The following WDTC1 variants were observed in gnomAD, a reference collection of about 807,000 sequenced individuals.
WDTC1 encodes WD and tetratricopeptide repeats protein 1.
A neutral mutation model predicts 76.0 loss-of-function variants in WDTC1; 12 were observed. The ratio of observed to expected loss-of-function variants is 0.16; its 90% CI spans 0.10 to 0.26. The LOEUF (loss-of-function observed/expected upper bound fraction) is 0.26, where lower values mean the gene tolerates loss of function less well. Ranked by LOEUF, WDTC1 falls within the 10% of genes least tolerant of loss-of-function variation. WDTC1 has a pLI of 1.00. For missense variants in WDTC1, 511 were observed against 908.8 expected (o/e 0.56, Z 5.63); for synonymous variants, 326 against 350.8 (o/e 0.93, Z 0.79).
intron 9 of WDTC1, among the ~76,000 whole-genome samples, chr1:27,295,132 T>G (rs1362570691): frequency 3.3e-5 from 5 of 152,236 alleles, no homozygotes; most frequent in Admixed American, 2.6e-4. Context: ...GGATATTTAG[T>G]AAGCCTTGCA....
At chr1:27,259,931 G>A (rs1412109879) in intron 1 of WDTC1, among the ~76,000 whole-genome samples, 1 of 151,910 alleles carries the variant, frequency 6.6e-6, no homozygotes, top group African/African-American at 2.4e-5. Flanking sequence ...CAGTTATTCA[G>A]GAGGCTGAGA....
chr1:27,297,490 A>G (rs190152814), intron 11 of WDTC1, among the ~76,000 whole-genome samples: 10 of 152,250 alleles, frequency 6.6e-5, no homozygotes, highest in Admixed American at 3.3e-4. Context: ...TCCCCATCCT[A>G]TAGCATATCC....
chr1:27,303,856 G>GT lies in WDTC1; in HGVS notation c.1643+63dup. 1.9e-6 allele frequency: 3 copies of GT among 1,593,170 alleles called. No individual in the cohort carries two copies. In the East Asian group the frequency reaches 6.8e-5, roughly 36 times the overall value. ...GGCAGCGGGAGGTTGAGTGGGGAGT[G>GT]TTGGGGCATAATGGTTTCAGAGAAG... On this transcript the variant is annotated intron_variant, in intron 14 of 15. Transcript: ENST00000319394. This position sits in a 1 kb window ranked among gnomAD's most constrained non-coding sequence, Gnocchi z 4.8.
intron 1 of WDTC1, chr1:27,255,542 G>A (rs564491024): frequency 6.6e-6 from 1 of 152,280 alleles, no homozygotes; most frequent in Non-Finnish European, 1.5e-5. Flanking sequence ...AATCAATTGA[G>A]ATAACTTGGT....
intron 11 of WDTC1, 117 bp from the exon 12 acceptor site, chr1:27,297,818 TAGC>T: frequency 9.6e-7 from 1 of 1,038,180 alleles, no homozygotes; most frequent in Non-Finnish European, 1.4e-6. Flanking sequence ...CTCTTCCAGA[TAGC>T]AGTCAGATCC....
intron 1 of WDTC1, among the ~76,000 whole-genome samples, chr1:27,259,290 G>A (rs1043816947): frequency 1.3e-5 from 2 of 150,548 alleles, no homozygotes; most frequent in Non-Finnish European, 3.0e-5. Flanking sequence ...CTCCTGAGTA[G>A]CTGGGACTAC....
intron 1 of WDTC1, among the ~76,000 whole-genome samples, chr1:27,237,861 C>CA (rs11427877): frequency 0.85 from 107,271 of 126,180 alleles, 46,027 homozygotes; most frequent in East Asian, 0.97. Context: ...AACTCCATCT[C>CA]AAAAAAAAAA....
At position 27,297,200 on chromosome 1, in the gene WDTC1, C is replaced by A. The variant is rs576381131; in HGVS notation, c.1058+44C>A. On this transcript the variant is annotated intron_variant, in intron 11 of 15. Coordinates refer to ENST00000319394, the MANE Select transcript of WDTC1 (RefSeq NM_001276252.2). ...TCCAGCCCTCCAAGCCCCAGTTACACTATATGGACTGGAGGGAGGGACATA... is the reference window on the plus strand; with the variant it reads ...TCCAGCCCTCCAAGCCCCAGTTACAATATATGGACTGGAGGGAGGGACATA... The A allele has an allele frequency of 2.3e-5, 35 of 1,497,018 alleles. No individual in the cohort carries two copies. The East Asian group carries it at 8.2e-4, about 35-fold the overall frequency. The allele number at this position is 1,497,018 out of a possible 1,614,324, so 92.7% of individuals were successfully genotyped here.
chr1:27,289,873 C>T (rs1356260892), intron 6 of WDTC1, among the ~76,000 whole-genome samples: 1 of 152,188 alleles, frequency 6.6e-6, no homozygotes, highest in Non-Finnish European at 1.5e-5. Flanking sequence ...CAATCGCAGG[C>T]ACTCGGCAGG....
intron 6 of WDTC1, among the ~76,000 whole-genome samples, chr1:27,288,163 C>T (rs1001907245): frequency 6.6e-6 from 1 of 152,100 alleles, no homozygotes; most frequent in Non-Finnish European, 1.5e-5. Flanking sequence ...TTGAGATTCT[C>T]TGTCCCCAGC....
At chr1:27,247,158 G>C (rs886826113) in intron 1 of WDTC1, among the ~76,000 whole-genome samples, 1 of 151,806 alleles carries the variant, frequency 6.6e-6, no homozygotes, top group African/African-American at 2.4e-5. Flanking sequence ...CTGGGTTTAA[G>C]CGATTCTCCT....
At chr1:27,279,821 C>T (rs2013140377) in intron 3 of WDTC1, among the ~76,000 whole-genome samples, 1 of 152,216 alleles carries the variant, frequency 6.6e-6, no homozygotes, top group Non-Finnish European at 1.5e-5. Context: ...CCTGCCTAGC[C>T]TCCCAAAGTG....
intron 9 of WDTC1, 121 bp from the exon 10 acceptor site, chr1:27,296,205 T>G (rs1267593838): frequency 8.5e-7 from 1 of 1,172,836 alleles, no homozygotes; most frequent in African/African-American, 1.5e-5. Flanking sequence ...TTGATTGTTC[T>G]ATGCTCAACA....
chr1:27,235,308 A>AG (rs2011471017), intron 1 of WDTC1, among the ~76,000 whole-genome samples: 1 of 151,896 alleles, frequency 6.6e-6, no homozygotes, highest in Non-Finnish European at 1.5e-5. Flanking sequence ...AAGAAGGGGC[A>AG]GGTGTAAGTG....
chr1:27,271,652 A>G (rs2012871290), intron 3 of WDTC1, among the ~76,000 whole-genome samples: 1 of 146,128 alleles, frequency 6.8e-6, no homozygotes, highest in Non-Finnish European at 1.5e-5. Flanking sequence ...AATTTATTTT[A>G]TTTGAGATGG....
rs1191065442 is a variant in WDTC1 at position 27,287,708 on chromosome 1, C to T, written c.326C>T (p.Thr109Met). 6.2e-7 allele frequency: 1 copy of T among 1,613,940 alleles called. No individual in the cohort carries two copies. Among genetic ancestry groups the T allele is most frequent in the Admixed American group, 1.7e-5 (1 of 59,980 alleles). Residue 109 changes from threonine (T) to methionine (M), a missense_variant, in exon 6 of 16, where the codon ACG (threonine) becomes ATG (methionine). Physicochemically the swap from Thr to Met is moderately conservative, Grantham distance 81 (BLOSUM62 -1). Transcript: ENST00000319394. ...LPHAGDRILI[T>M]GAADSKVHVH... Reference sequence around the variant, plus strand: ...CACGCTGGGGACCGCATCTTGATCACGGGGGCAGCCGACTCTAAGGTGCAT... The same window carrying T: ...CACGCTGGGGACCGCATCTTGATCATGGGGGCAGCCGACTCTAAGGTGCAT...
chr1:27,283,092 C>T (rs1008763344), intron 4 of WDTC1, among the ~76,000 whole-genome samples: 4 of 150,526 alleles, frequency 2.7e-5, no homozygotes, highest in South Asian at 4.2e-4. Flanking sequence ...GAGCCGAGAT[C>T]GCGCCACTGC....
intron 3 of WDTC1, among the ~76,000 whole-genome samples, chr1:27,279,463 G>T (rs900650892): frequency 6.6e-6 from 1 of 152,138 alleles, no homozygotes; most frequent in Non-Finnish European, 1.5e-5. Flanking sequence ...GCTGGAGCCC[G>T]ACCAGAAATA....
In WDTC1 at chr1:27,298,211, G is replaced by A. The variant is rs936460902; in HGVS notation, c.1232+100G>A. Reference sequence around the variant, plus strand: ...TGGAGCCAAGTTGCCAAGGCATCCAGGGAAAGTGGCAAGAACATATTGCTG... The same window carrying A: ...TGGAGCCAAGTTGCCAAGGCATCCAAGGAAAGTGGCAAGAACATATTGCTG... On this transcript the variant is annotated intron_variant, in intron 12 of 15. Transcript: ENST00000319394. 26 of 1,429,012 alleles carry A rather than the reference G, an allele frequency of 1.8e-5. No individual in the cohort carries two copies. The African/African-American group carries it at 3.3e-4, about 18-fold the overall frequency. The allele number at this position is 1,429,012 out of a possible 1,614,324, so 88.5% of individuals were successfully genotyped here. A position where few individuals can be genotyped will look rare whatever the true frequency, so the allele number is the denominator to read the frequency against.
Sources: gnomAD v4.1 joint callset for allele counts (sites outside exome capture counted in the v4.1 genomes callset) on GRCh38, gnomAD v4.1.1 for gene constraint, Gnocchi (gnomAD v3.1) non-coding constraint, MANE v1.5 for transcripts, NCBI Gene and HGNC (gene_info 2026-07-23, HGNC 2026-07-21) for gene names.